Variants in PTAFR observed in about 807,000 individuals in gnomAD.
PTAFR encodes platelet activating factor receptor.
A neutral mutation model predicts 14.7 loss-of-function variants in PTAFR; 8 were observed. That is an observed-to-expected ratio of 0.54 (90% CI 0.32 to 0.98). The LOEUF (loss-of-function observed/expected upper bound fraction) is 0.98. PTAFR is among the 50% of genes least tolerant of loss of function. The pLI is 0.04. For synonymous variants in PTAFR, 156 were observed against 176.5 expected (o/e 0.88, Z 0.92); for missense variants, 337 against 451.2 (o/e 0.75, Z 2.29).
chr1:28,182,035 A>G (rs935875393), intron 1 of PTAFR, among the ~76,000 whole-genome samples: 1 of 151,760 alleles, frequency 6.6e-6, no homozygotes, highest in African/African-American at 2.4e-5. Context: ...AACAAAAGGG[A>G]AAAAAAAGAA....
intron 1 of PTAFR, among the ~76,000 whole-genome samples, chr1:28,189,699 C>T (rs1302237834): frequency 6.6e-6 from 1 of 151,884 alleles, no homozygotes; most frequent in African/African-American, 2.4e-5. Context: ...GAGACAAGCT[C>T]ATGCACTCCA....
chr1:28,167,928 C>G (rs1646405485), intron 1 of PTAFR, among the ~76,000 whole-genome samples: 1 of 149,562 alleles, frequency 6.7e-6, no homozygotes, highest in Non-Finnish European at 1.5e-5. Context: ...GATGAACCAC[C>G]ACGCCCAACT....
At chr1:28,170,925 G>A (rs776615908) in intron 1 of PTAFR, among the ~76,000 whole-genome samples, 4 of 148,542 alleles carry the variant, frequency 2.7e-5, no homozygotes, top group African/African-American at 5.0e-5. Flanking sequence ...GCGTGAACCC[G>A]GGGTGCAGAG....
intron 1 of PTAFR, among the ~76,000 whole-genome samples, chr1:28,169,898 G>A (rs1320030304): frequency 1.3e-5 from 2 of 152,016 alleles, no homozygotes; most frequent in African/African-American, 4.8e-5. Context: ...TACTCGGGAG[G>A]CCGAGGCAGG....
Position 28,150,692 on chromosome 1 carries a change from G to A in PTAFR, c.330C>T (p.Val110=). The A allele has an allele frequency of 6.2e-7, 1 of 1,614,128 alleles. No homozygotes were observed. The highest frequency in any genetic ancestry group is 1.3e-5 in the African/African-American group (1 of 75,014). ...CTGCCTGGAAGCGGTTATAAGTGAT[G>A]ACGCCCAGGAAGGCCACAGAGCAGT... The part of the protein sequence containing the change: ...NTYCSVAFLG[V]ITYNRFQAVT... Residue 110 remains valine (V), a synonymous_variant, in exon 2 of 2, where the codon GTC becomes GTT. Transcript: ENST00000373857. This position sits in a 1 kb window ranked among gnomAD's most constrained non-coding sequence, Gnocchi z 6.3.
At chr1:28,185,842 T>C (rs140610120) in intron 1 of PTAFR, among the ~76,000 whole-genome samples, 16 of 152,266 alleles carry the variant, frequency 1.1e-4, no homozygotes, top group African/African-American at 3.8e-4. Flanking sequence ...TTTCTGGATA[T>C]AAAACCAACA....
chr1:28,172,578 G>A (rs1283414106), intron 1 of PTAFR, among the ~76,000 whole-genome samples: 2 of 152,220 alleles, frequency 1.3e-5, no homozygotes, highest in Non-Finnish European at 2.9e-5. Context: ...TGTGAGAGCT[G>A]AGTGAAGCAA....
chr1:28,170,797 G>A (rs1000681972), intron 1 of PTAFR, among the ~76,000 whole-genome samples: 4 of 151,252 alleles, frequency 2.6e-5, no homozygotes, highest in Middle Eastern at 3.2e-3. Flanking sequence ...TCAGGAGATC[G>A]AGACCATCCT....
rs1463880535 is a variant in PTAFR at position 28,184,091 on chromosome 1, T to TG, written c.-39+9630_-39+9631insC. Among the ~76,000 whole-genome samples the TG allele has an allele frequency of 3.5e-4, 46 of 130,054 alleles. 1 individual carries two copies. The highest frequency in any genetic ancestry group is 6.6e-4 in the Non-Finnish European group (41 of 61,756). The allele number at this position is 130,054 out of a possible 152,430, so 85.3% of individuals were successfully genotyped here. On this transcript the variant is annotated intron_variant, in intron 1 of 1. Coordinates refer to the PTAFR transcript ENST00000305392. ...ACGTCCCCATTAGTCTGTTTTTTTT[T>TG]TTTTTTTTTTTTTTTTTTTGAGCTG...
At chr1:28,152,734 ACT>A (rs1409165289) in intron 1 of PTAFR, among the ~76,000 whole-genome samples, 1 of 152,056 alleles carries the variant, frequency 6.6e-6, no homozygotes. Context: ...GAAGAGCAAG[ACT>A]CTGTCTCGAA....
intron 1 of PTAFR, among the ~76,000 whole-genome samples, chr1:28,185,901 A>G (rs1042834148): frequency 6.6e-6 from 1 of 152,204 alleles, no homozygotes; most frequent in Non-Finnish European, 1.5e-5. Flanking sequence ...ATAGAAAATG[A>G]CATTATTAAG....
chr1:28,165,977 G>A (rs1388710280), intron 1 of PTAFR, among the ~76,000 whole-genome samples: 1 of 152,106 alleles, frequency 6.6e-6, no homozygotes, highest in African/African-American at 2.4e-5. Context: ...AAATTCATAT[G>A]AAACCTCAAA....
chr1:28,149,124 G>T lies in PTAFR; in HGVS notation c.*869C>A, dbSNP rs550881071. ...TTTTATCTTCTTTGGTCACCATTAG[G>T]GACAGGTTGCCAGATGAGTCAGAGA... On this transcript the variant is annotated 3_prime_UTR_variant, in exon 2 of 2. Coordinates refer to ENST00000373857, the MANE Select transcript of PTAFR (RefSeq NM_000952.5). The T allele has an allele frequency of 6.6e-6, 1 of 152,290 alleles. No individual in the cohort carries two copies. The highest frequency in any genetic ancestry group is 1.9e-4 in the East Asian group (1 of 5,174). 9.4% of individuals were successfully genotyped at this position (152,290 alleles called of 1,614,324 possible). A position where few individuals can be genotyped will look rare whatever the true frequency, so the allele number is the denominator to read the frequency against.
intron 1 of PTAFR, among the ~76,000 whole-genome samples, chr1:28,165,965 T>C (rs1646381130): frequency 6.6e-6 from 1 of 152,136 alleles, no homozygotes; most frequent in Non-Finnish European, 1.5e-5. Flanking sequence ...TTAAAAATTG[T>C]AAAATTCATA....
At chr1:28,193,534 G>A (rs1012522127) in intron 1 of PTAFR, among the ~76,000 whole-genome samples, 1 of 151,918 alleles carries the variant, frequency 6.6e-6, no homozygotes, top group African/African-American at 2.4e-5. Flanking sequence ...AGGGGTGAGA[G>A]GATTGTGCTG....
chr1:28,175,286 T>G (rs1646500598), intron 1 of PTAFR, among the ~76,000 whole-genome samples: 1 of 152,044 alleles, frequency 6.6e-6, no homozygotes, highest in Non-Finnish European at 1.5e-5. Flanking sequence ...AGGCCCCGGC[T>G]TGTCAGCAGG....
At chr1:28,152,553 G>A (rs1180970946) in intron 1 of PTAFR, among the ~76,000 whole-genome samples, 18 of 152,078 alleles carry the variant, frequency 1.2e-4, no homozygotes, top group Admixed American at 1.2e-3. Context: ...GACCAGCCTG[G>A]CCAACATTAT....
chr1:28,182,682 G>A (rs368819825), intron 1 of PTAFR, among the ~76,000 whole-genome samples: 37 of 152,042 alleles, frequency 2.4e-4, no homozygotes, highest in African/African-American at 8.9e-4. Flanking sequence ...TGTTGCACAT[G>A]TTTTCTGTTC....
At chr1:28,162,564 G>A (rs1326165619) in intron 1 of PTAFR, among the ~76,000 whole-genome samples, 2 of 152,224 alleles carry the variant, frequency 1.3e-5, no homozygotes, top group African/African-American at 2.4e-5. Flanking sequence ...GGTGGCTCAC[G>A]CCTGTCATCC....
Sources: allele counts gnomAD v4.1 joint callset (sites outside exome capture counted in the v4.1 genomes callset), GRCh38; gene constraint gnomAD v4.1.1; non-coding constraint Gnocchi (gnomAD v3.1); transcripts MANE v1.5; gene names NCBI Gene and HGNC (gene_info 2026-07-23, HGNC 2026-07-21).